PHC1: variants seen among roughly 807,000 people sequenced by gnomAD.
The protein encoded by PHC1 is polyhomeotic homolog 1.
Under a neutral mutation model 104.3 loss-of-function variants are expected in PHC1, and 12 were observed. The ratio of observed to expected loss-of-function variants is 0.12; its 90% CI spans 0.07 to 0.19. The LOEUF is 0.19. Among genes scored for constraint, PHC1 ranks in the 10% least tolerant of loss-of-function variants. PHC1 has a pLI of 1.00. For missense variants in PHC1, 671 were observed against 1,200.0 expected, an observed-to-expected ratio of 0.56 and a Z score of 6.51; for synonymous variants, 302 against 455.8, an observed-to-expected ratio of 0.66 and a Z score of 4.30.
intron 5 of PHC1, 131 bp downstream of exon 5, chr12:8,921,881 A>G: frequency 3.7e-6 from 3 of 809,644 alleles, no homozygotes; most frequent in Non-Finnish European, 5.8e-6. Context: ...TGGCACAATA[A>G]TGGCTCACTG....
intron 14 of PHC1, among the ~76,000 whole-genome samples, chr12:8,939,008 T>A (rs1372477049): frequency 2.6e-5 from 4 of 152,050 alleles, no homozygotes; most frequent in Non-Finnish European, 1.5e-5. Flanking sequence ...GTATGTTTTG[T>A]AGAGTCAAGG....
chr12:8,924,973 T>TGATA (rs1945476303), intron 6 of PHC1, among the ~76,000 whole-genome samples: 1 of 152,232 alleles, frequency 6.6e-6, no homozygotes, highest in Non-Finnish European at 1.5e-5. Flanking sequence ...TAGACTCTGG[T>TGATA]GATAGCAATG....
chr12:8,934,012 G>A lies in PHC1; in HGVS notation c.2041G>A (p.Glu681Lys), dbSNP rs1452118814. ...KVMDEKSSLG[E>K]KAESVANVNA... ...CATGGACGAGAAGAGCAGTCTTGGA[G>A]GTGAGTAACTGACTTCTAATGCTGT... Residue 681 changes from glutamate (E) to lysine (K), a missense_variant and splice_region_variant, in exon 9 of 15, where the codon GAA becomes AAA. This residue lies in a region of PHC1 where 95 missense variants were observed against 108.8 expected (regional missense o/e 0.87). Coordinates refer to ENST00000544916, the MANE Select transcript of PHC1 (RefSeq NM_004426.3). The A allele has an allele frequency of 6.2e-7, 1 of 1,614,080 alleles. No individual in the cohort carries two copies. Among genetic ancestry groups the A allele is most frequent in the East Asian group, 2.2e-5 (1 of 44,880 alleles).
rs934999686 is a variant in PHC1 at position 8,933,793 on chromosome 12, T to C, written c.1894-72T>C. Reference sequence around the variant, plus strand: ...ACTAAGAAAATTTTCTTTGAACATATGGTAATAATTGTGGTTCCTTATTAT... The same window carrying C: ...ACTAAGAAAATTTTCTTTGAACATACGGTAATAATTGTGGTTCCTTATTAT... On this transcript the variant is annotated intron_variant, in intron 8 of 14. Transcript: ENST00000544916. 3.9e-6 allele frequency: 5 copies of C among 1,294,972 alleles called. No individual in the cohort carries two copies. The East Asian group carries it at 9.3e-5, about 24-fold the overall frequency. The allele number at this position is 1,294,972 out of a possible 1,614,324, so 80.2% of individuals were successfully genotyped here.
Position 8,930,685 on chromosome 12 carries a change from A to G in PHC1, c.863A>G (p.His288Arg), listed in dbSNP as rs1565519242. The change falls in exon 7 of 15, where the codon CAT becomes CGT. Residue 288 changes from histidine (H) to arginine (R), a missense_variant. By Grantham distance (29) the His-to-Arg change is conservative (BLOSUM62 0). Coordinates refer to ENST00000544916, the MANE Select transcript of PHC1 (RefSeq NM_004426.3). ...GGTCCAGGTGGAGGTGGGCAGGCAC[A>G]TGGTGGTTTGGGTCAGTTGCCTTCC... ...SMGPGGGGQA[H>R]GGLGQLPSSG... 3 of 1,355,782 alleles carry G rather than the reference A, an allele frequency of 2.2e-6. No homozygotes were observed. Among genetic ancestry groups the G allele is most frequent in the Admixed American group, 4.4e-5 (2 of 45,494 alleles). The allele number at this position is 1,355,782 out of a possible 1,614,324, so 84.0% of individuals were successfully genotyped here.
Position 8,922,751 on chromosome 12 carries a change from C to G in PHC1, c.575C>G (p.Ser192Cys). Residue 192 changes from serine (S) to cysteine (C), a missense_variant, in exon 6 of 15, where the codon TCT becomes TGT. Around this residue, in one of 9 missense-constraint regions of PHC1, gnomAD observed 237 missense variants for 331.1 expected, o/e 0.72. Coordinates refer to ENST00000544916, the MANE Select transcript of PHC1 (RefSeq NM_004426.3). ...AVAAVQQEVP[S>C]AQSPGVHADA... is the part of the protein sequence containing the mutation. ...GCTGCAGTCCAGCAGGAGGTGCCAT[C>G]TGCTCAGTCTCCTGGAGTTCATGCA... The G allele has an allele frequency of 6.2e-7, 1 of 1,612,770 alleles. No homozygotes were observed. The highest frequency in any genetic ancestry group is 2.2e-5 in the East Asian group (1 of 44,860).
chr12:8,924,335 G>A (rs1263960040), intron 6 of PHC1, among the ~76,000 whole-genome samples: 1 of 152,096 alleles, frequency 6.6e-6, no homozygotes, highest in African/African-American at 2.4e-5. Flanking sequence ...AAATTAGCCG[G>A]GCATGGTGGT....
chr12:8,915,873 C>G (rs780230757), intron 1 of PHC1: 3 of 154,270 alleles, frequency 1.9e-5, no homozygotes, highest in Non-Finnish European at 2.9e-5. Context: ...AATCAGAATT[C>G]AGGTTTGGGA....
chr12:8,927,913 C>CTTTCTTTCTTTCT lies in PHC1; in HGVS notation c.613-2519_613-2518insCTTTCTTTCTTTT, dbSNP rs1555128000. Among the ~76,000 whole-genome samples, 67 of 35,770 alleles carry CTTTCTTTCTTTCT rather than the reference C, an allele frequency of 1.9e-3. 1 individual carries two copies. Among genetic ancestry groups the CTTTCTTTCTTTCT allele is most frequent in the African/African-American group, 2.6e-3 (22 of 8,336 alleles). 23.5% of individuals were successfully genotyped at this position (35,770 alleles called of 152,430 possible). On this transcript the variant is annotated intron_variant, in intron 6 of 14. Transcript: ENST00000544916. The stretch of plus-strand genomic sequence containing the variant: ...TCTTTCTTTCTTTCTTTCTTTCTTT[C>CTTTCTTTCTTTCT]TTTTTTTTTTTTTTTGAGACAGAGT...
intron 6 of PHC1, 117 bp downstream of exon 6, chr12:8,922,905 T>G: frequency 1.1e-6 from 1 of 912,426 alleles, no homozygotes; most frequent in Non-Finnish European, 1.6e-6. Flanking sequence ...CTTTTTGTGT[T>G]TTGTTTTTCC....
Position 8,934,375 on chromosome 12 carries a change from G to A in PHC1, c.2150G>A (p.Arg717Lys), listed in dbSNP as rs764110095. 6 of 1,613,454 alleles carry A rather than the reference G, an allele frequency of 3.7e-6. No individual in the cohort carries two copies. The highest frequency in any genetic ancestry group is 5.1e-6 in the Non-Finnish European group (6 of 1,179,438). ...VPPPTLAMVS[R>K]QMGDSKPPQA... ...CCTCCTACACTAGCCATGGTGTCTA[G>A]ACAAATGGGTGACTCAAAACCCCCA... The change falls in exon 10 of 15, where the codon AGA (arginine) becomes AAA (lysine). Residue 717 changes from arginine (R) to lysine (K), a missense_variant. Physicochemically the swap from Arg to Lys is conservative, Grantham distance 26. This residue lies in a region of PHC1 where 29 missense variants were observed against 78.0 expected (regional missense o/e 0.37). Transcript: ENST00000544916.
chr12:8,931,380 T>TA (rs1313261174), intron 7 of PHC1, among the ~76,000 whole-genome samples: 2 of 152,218 alleles, frequency 1.3e-5, no homozygotes, highest in African/African-American at 4.8e-5. Context: ...GTATAGCAGA[T>TA]ACAGTACAAT....
In PHC1 at chr12:8,933,304, T is replaced by C; in HGVS notation, c.1847T>C (p.Val616Ala). The part of the protein sequence containing the change: ...KGGATTSSPV[V>A]AQVPAAFYMQ... ...GGGGCTACCACCTCCTCACCTGTTG[T>C]AGCCCAGGTCCCTGCTGCCTTCTAT... Residue 616 changes from valine to alanine, a missense_variant, in exon 8 of 15, where the codon GTA (valine) becomes GCA (alanine). Val to Ala is a moderately conservative substitution (Grantham distance 64). Transcript: ENST00000544916. 3 of 1,492,504 alleles carry C rather than the reference T, an allele frequency of 2.0e-6. No individual in the cohort carries two copies. Among genetic ancestry groups the C allele is most frequent in the Non-Finnish European group, 9.0e-7 (1 of 1,117,218 alleles). 92.5% of individuals were successfully genotyped at this position (1,492,504 alleles called of 1,614,324 possible). A position where few individuals can be genotyped will look rare whatever the true frequency, so the allele number is the denominator to read the frequency against.
In PHC1 at chr12:8,921,756, C is replaced by G; in HGVS notation, c.456+6C>G. 6.3e-7 allele frequency: 1 copy of G among 1,588,428 alleles called. No homozygotes were observed. The highest frequency in any genetic ancestry group is 8.6e-7 in the Non-Finnish European group (1 of 1,169,060). On this transcript the variant is annotated splice_donor_region_variant and intron_variant, in intron 5 of 14. Transcript: ENST00000544916. Reference sequence around the variant, plus strand: ...AGGCCCAGATGTATCTACGGGTAAGCCACAGATGCAGTCACCATTGCCCCA... The same window carrying G: ...AGGCCCAGATGTATCTACGGGTAAGGCACAGATGCAGTCACCATTGCCCCA...
At position 8,917,647 on chromosome 12, in the gene PHC1, G is replaced by GC. The variant is rs1319366741; in HGVS notation, c.-30dup. 9 of 1,141,668 alleles carry GC rather than the reference G, an allele frequency of 7.9e-6. No homozygotes were observed. Among genetic ancestry groups the GC allele is most frequent in the Middle Eastern group, 2.0e-4 (1 of 5,012 alleles). The allele number at this position is 1,141,668 out of a possible 1,614,324, so 70.7% of individuals were successfully genotyped here. Reference sequence around the variant, plus strand: ...CCCTCTAGGTCTTGAGTCAGACAGAGCACCAGCCTTGGGGACCCTGGACCA... The same window carrying GC: ...CCCTCTAGGTCTTGAGTCAGACAGAGCCACCAGCCTTGGGGACCCTGGACCA... On this transcript the variant is annotated 5_prime_UTR_variant, in exon 2 of 15. Coordinates refer to ENST00000544916, the MANE Select transcript of PHC1 (RefSeq NM_004426.3).
At chr12:8,914,322 A>G (rs1224030341), upstream of PHC1, among the ~76,000 whole-genome samples, 1 of 152,024 alleles carries the variant, frequency 6.6e-6, no homozygotes, top group African/African-American at 2.4e-5. Flanking sequence ...GAAAGAGAGC[A>G]AGAGAGGAAA....
At position 8,937,034 on chromosome 12, in the gene PHC1, G is replaced by T. The variant is rs981093882; in HGVS notation, c.2477+70G>T. Reference sequence around the variant, plus strand: ...ATCTAATGTTACACCCCTTCCCCAGGATCGTCTCATAGCTGATATTTTATG... The same window carrying T: ...ATCTAATGTTACACCCCTTCCCCAGTATCGTCTCATAGCTGATATTTTATG... On this transcript the variant is annotated intron_variant, in intron 12 of 14. Transcript: ENST00000544916. 1.0e-5 allele frequency: 14 copies of T among 1,390,632 alleles called. No homozygotes were observed. In the South Asian group the frequency reaches 1.6e-4, roughly 16 times the overall value. The allele number at this position is 1,390,632 out of a possible 1,614,324, so 86.1% of individuals were successfully genotyped here. A position where few individuals can be genotyped will look rare whatever the true frequency, so the allele number is the denominator to read the frequency against.
intron 1 of PHC1, 68 bp from the exon 2 acceptor site, chr12:8,917,562 G>A (rs1945237127): frequency 2.0e-6 from 1 of 501,114 alleles, no homozygotes; most frequent in Non-Finnish European, 3.5e-6. Flanking sequence ...CTGTGTTTTT[G>A]AATAATAACA....
Position 8,937,265 on chromosome 12 carries a change from G to A in PHC1, c.2567G>A (p.Arg856His), listed in dbSNP as rs774723370. 1.3e-5 allele frequency: 21 copies of A among 1,612,450 alleles called. No individual in the cohort carries two copies. The highest frequency in any genetic ancestry group is 7.7e-5 in the South Asian group (7 of 90,822). ...QEANYARVRR[R>H]GPRRSSSDIA... Reference sequence around the variant, plus strand: ...GCCAACTATGCTCGCGTTCGCAGGCGTGGACCCCGCCGCAGCTCCTCTGAC... The same window carrying A: ...GCCAACTATGCTCGCGTTCGCAGGCATGGACCCCGCCGCAGCTCCTCTGAC... The change falls in exon 13 of 15, where the codon CGT becomes CAT. Residue 856 changes from arginine to histidine, a missense_variant. Coordinates refer to ENST00000544916, the MANE Select transcript of PHC1 (RefSeq NM_004426.3).
Sources: gnomAD v4.1 joint callset for allele counts (sites outside exome capture counted in the v4.1 genomes callset) on GRCh38, gnomAD v4.1.1 for gene constraint, gnomAD v4.1.1 regional missense constraint, MANE v1.5 for transcripts, NCBI Gene and HGNC (gene_info 2026-07-23, HGNC 2026-07-21) for gene names.